The following NREP variants were observed in gnomAD, a reference collection of about 807,000 sequenced individuals.
NREP encodes the protein neuronal regeneration related protein.
In NREP, 5 loss-of-function variants were observed where a neutral mutation model predicts 8.6. That is an observed-to-expected ratio of 0.58 (90% CI 0.30 to 1.22). The LOEUF (loss-of-function observed/expected upper bound fraction) is 1.22, where lower values mean the gene tolerates loss of function less well. Among genes scored for constraint, NREP ranks in the 50% most tolerant of loss-of-function variants. NREP has a pLI of 0.07. For missense variants in NREP, 86 were observed against 82.5 expected (o/e 1.04, Z -0.17); for synonymous variants, 27 against 28.0 (o/e 0.96, Z 0.11).
At chr5:111,830,159 T>TG (rs143960557) in intron 2 of NREP, among the ~76,000 whole-genome samples, 2,322 of 152,248 alleles carry the variant, frequency 0.015, 46 homozygotes, top group African/African-American at 0.042. Flanking sequence ...AGCTGTTTTT[T>TG]TTGTTGTTGT....
At chr5:111,811,193 C>T (rs1480193511) in intron 2 of NREP, among the ~76,000 whole-genome samples, 1 of 152,146 alleles carries the variant, frequency 6.6e-6, no homozygotes, top group Non-Finnish European at 1.5e-5. Flanking sequence ...CAGCCTTACT[C>T]TCTTTGTTCC....
At chr5:111,796,918 G>T (rs185563133) in intron 2 of NREP, among the ~76,000 whole-genome samples, 194 of 152,148 alleles carry the variant, frequency 1.3e-3, no homozygotes, top group Middle Eastern at 3.4e-3. Flanking sequence ...TGTATTTAAG[G>T]GCTTGCTGTC....
At chr5:111,946,716 AAAAT>A (rs1211487435) in intron 2 of NREP, among the ~76,000 whole-genome samples, 1 of 151,996 alleles carries the variant, frequency 6.6e-6, no homozygotes, top group Non-Finnish European at 1.5e-5. Context: ...TTCCCAACAA[AAAAT>A]AAATTCCTTT....
intron 2 of NREP, among the ~76,000 whole-genome samples, chr5:111,933,805 C>A (rs1329245979): frequency 4.6e-5 from 7 of 152,040 alleles, no homozygotes; most frequent in Non-Finnish European, 8.8e-5. Context: ...CTGTAGACTG[C>A]ATTTATAAAG....
intron 2 of NREP, among the ~76,000 whole-genome samples, chr5:111,941,385 T>C (rs1392425705): frequency 6.6e-6 from 1 of 152,112 alleles, no homozygotes; most frequent in Non-Finnish European, 1.5e-5. Context: ...TTCTGGAGGC[T>C]ACAATTCCAA....
At chr5:111,963,842 AT>A (rs1469581918) in intron 2 of NREP, among the ~76,000 whole-genome samples, 2 of 152,156 alleles carry the variant, frequency 1.3e-5, no homozygotes, top group Non-Finnish European at 2.9e-5. Flanking sequence ...CTTGATTTTA[AT>A]TTTTTTCTAA....
At chr5:111,735,257 G>C (rs998085770) in intron 3 of NREP, 173 bp downstream of exon 3, 2 of 485,660 alleles carry the variant, frequency 4.1e-6, no homozygotes, top group Non-Finnish European at 7.4e-6. Context: ...TTAAGTCATA[G>C]GACTTTAGGA....
intron 2 of NREP, among the ~76,000 whole-genome samples, chr5:111,903,805 C>T (rs1452600380): frequency 6.6e-6 from 1 of 152,074 alleles, no homozygotes; most frequent in Admixed American, 6.6e-5. Flanking sequence ...GATTTTCCAG[C>T]CAAAATATTG....
intron 2 of NREP, among the ~76,000 whole-genome samples, chr5:111,861,646 G>A (rs1300681682): frequency 6.6e-6 from 1 of 152,136 alleles, no homozygotes; most frequent in Non-Finnish European, 1.5e-5. Context: ...TTGCTATAGA[G>A]AATAACTTGA....
chr5:111,822,371 A>G (rs962468980), intron 2 of NREP, among the ~76,000 whole-genome samples: 3 of 152,212 alleles, frequency 2.0e-5, no homozygotes, highest in Admixed American at 2.0e-4. Flanking sequence ...AGCTGAGAAG[A>G]CCCTTAGGCA....
At chr5:111,918,128 T>C (rs1256239832) in intron 2 of NREP, among the ~76,000 whole-genome samples, 1 of 152,030 alleles carries the variant, frequency 6.6e-6, no homozygotes, top group Non-Finnish European at 1.5e-5. Context: ...AATAATAAAA[T>C]ACCTAGGAAT....
Position 111,949,887 on chromosome 5 carries a change from C to T in NREP, c.135+25387G>A, listed in dbSNP as rs576704504. Among the ~76,000 whole-genome samples the T allele has an allele frequency of 8.5e-5, 13 of 152,186 alleles. No homozygotes were observed. The South Asian group carries it at 2.3e-3, about 27-fold the overall frequency. ...CTATTCTAAATAGTGCTGAAATAAA[C>T]ATACATGTGCACGTGTCTTTATGGT... On this transcript the variant is annotated intron_variant, in intron 2 of 3. Transcript: ENST00000395634.
intron 2 of NREP, among the ~76,000 whole-genome samples, chr5:111,887,937 C>T (rs1754301070): frequency 6.6e-6 from 1 of 152,170 alleles, no homozygotes; most frequent in Admixed American, 6.5e-5. Flanking sequence ...TACCTTGTTA[C>T]AGCAATTACA....
At chr5:111,966,154 G>A (rs1209764489) in intron 2 of NREP, among the ~76,000 whole-genome samples, 1 of 152,168 alleles carries the variant, frequency 6.6e-6, no homozygotes, top group Admixed American at 6.5e-5. Context: ...AAAGAGAAAA[G>A]AAGATGATTA....
intron 2 of NREP, among the ~76,000 whole-genome samples, chr5:111,791,108 A>T (rs1751736231): frequency 6.6e-6 from 1 of 152,210 alleles, no homozygotes; most frequent in Non-Finnish European, 1.5e-5. Flanking sequence ...ACAAATGAAC[A>T]TTATATATTT....
chr5:111,908,418 T>G (rs780133633), intron 2 of NREP, among the ~76,000 whole-genome samples: 2 of 152,046 alleles, frequency 1.3e-5, no homozygotes, highest in African/African-American at 2.4e-5. Context: ...TTTTCAACCC[T>G]TGCCCACATC....
At chr5:111,887,040 C>T (rs996242007) in intron 2 of NREP, among the ~76,000 whole-genome samples, 3 of 151,650 alleles carry the variant, frequency 2.0e-5, no homozygotes, top group South Asian at 2.1e-4. Context: ...CCTCATGCCT[C>T]ACCCTCCCAA....
intron 2 of NREP, among the ~76,000 whole-genome samples, chr5:111,804,918 G>A (rs935117399): frequency 2.2e-4 from 34 of 152,130 alleles, no homozygotes; most frequent in Non-Finnish European, 3.5e-4. Flanking sequence ...GGAGGATGGC[G>A]TGAACCCGGG....
At chr5:111,836,692 A>G (rs1294187876) in intron 2 of NREP, among the ~76,000 whole-genome samples, 1 of 152,012 alleles carries the variant, frequency 6.6e-6, no homozygotes, top group Non-Finnish European at 1.5e-5. Flanking sequence ...ATAGCCAGGG[A>G]GAGCTGGCAG....
Sources: gnomAD v4.1 joint callset for allele counts (sites outside exome capture counted in the v4.1 genomes callset) on GRCh38, gnomAD v4.1.1 for gene constraint, MANE v1.5 for transcripts, NCBI Gene and HGNC (gene_info 2026-07-23, HGNC 2026-07-21) for gene names.